CDCP1: variants seen among roughly 807,000 people sequenced by gnomAD.
The protein encoded by CDCP1 is CUB domain-containing protein 1.
A neutral mutation model predicts 60.2 loss-of-function variants in CDCP1; 29 were observed. The ratio of observed to expected loss-of-function variants is 0.48; its 90% CI spans 0.36 to 0.66. The LOEUF is 0.66. Among genes scored for constraint, CDCP1 ranks in the 30% least tolerant of loss-of-function variants. CDCP1 has a pLI of 0.00. For missense variants in CDCP1, 876 were observed against 1,074.3 expected (o/e 0.82, Z 2.58); for synonymous variants, 387 against 431.1 (o/e 0.90, Z 1.27).
intron 1 of CDCP1, among the ~76,000 whole-genome samples, chr3:45,137,857 C>T (rs942458541): frequency 9.9e-5 from 15 of 151,358 alleles, no homozygotes; most frequent in African/African-American, 3.4e-4. Flanking sequence ...TTAGCTCTGA[C>T]AGATGTAGCC....
intron 1 of CDCP1, among the ~76,000 whole-genome samples, chr3:45,123,578 C>T (rs1698922832): frequency 6.6e-6 from 1 of 152,108 alleles, no homozygotes; most frequent in African/African-American, 2.4e-5. Flanking sequence ...AAGGGGTGAA[C>T]AGGAGCAAGA....
rs72581928 is a variant in CDCP1 at position 45,126,108 on chromosome 3, CTCTTTCTTTCTT to C, written c.83-7499_83-7488del. Among the ~76,000 whole-genome samples the C allele has an allele frequency of 4.0e-3, 437 of 110,042 alleles. 2 individuals are homozygous for C. The highest frequency in any genetic ancestry group is 0.014 in the African/African-American group (379 of 26,952). The allele number at this position is 110,042 out of a possible 152,430, so 72.2% of individuals were successfully genotyped here. On this transcript the variant is annotated intron_variant, in intron 1 of 8. Coordinates refer to ENST00000296129, the MANE Select transcript of CDCP1 (RefSeq NM_022842.5). ...AACTGCTGCCATTCTTTGTCTCTCTCTCTTTCTTTCTTTCTTTCTTTCTTTCTTTCTTTCTTT... is the reference window on the plus strand; with the variant it reads ...AACTGCTGCCATTCTTTGTCTCTCTCTCTTTCTTTCTTTCTTTCTTTCTTT...
Position 45,146,216 on chromosome 3 carries a change from C to G in CDCP1, c.72G>C (p.Pro24=). 6.3e-7 allele frequency: 1 copy of G among 1,594,528 alleles called. No homozygotes were observed. The highest frequency in any genetic ancestry group is 8.5e-7 in the Non-Finnish European group (1 of 1,172,830). The change falls in exon 1 of 9, where the codon CCG becomes CCC. Residue 24 remains proline, a synonymous_variant. Transcript: ENST00000296129. ...AAGCCCGGCACTCACCTGCCCCGCG[C>G]GGCAGGCGCGCCGCACCCAGCAGCA... is the stretch of plus-strand genomic sequence containing the variant. ...GVLLLGAARL[P]RGAEAFEIAL... is the part of the protein sequence containing the mutation.
intron 1 of CDCP1, among the ~76,000 whole-genome samples, chr3:45,130,595 C>G (rs1445911927): frequency 6.6e-6 from 1 of 152,234 alleles, no homozygotes; most frequent in Non-Finnish European, 1.5e-5. Context: ...GGTTCAGTCT[C>G]TGCCCTCAAG....
rs142406679 is a variant in CDCP1, at chr3:45,134,420, G to A, written c.82+11786C>T. On this transcript the variant is annotated intron_variant, in intron 1 of 8. Coordinates refer to ENST00000296129, the MANE Select transcript of CDCP1 (RefSeq NM_022842.5). Reference sequence around the variant, plus strand: ...ATTACAGGCGCGGGCCACCGCGCCCGGCCCAGATCTACTTCTTTCTTAACT... The same window carrying A: ...ATTACAGGCGCGGGCCACCGCGCCCAGCCCAGATCTACTTCTTTCTTAACT... Among the ~76,000 whole-genome samples the A allele has an allele frequency of 2.7e-3, 409 of 152,284 alleles. 2 individuals carry two copies. The highest frequency in any genetic ancestry group is 9.3e-3 in the African/African-American group (386 of 41,570).
chr3:45,107,819 G>A (rs1228653208), intron 4 of CDCP1, among the ~76,000 whole-genome samples: 1 of 152,042 alleles, frequency 6.6e-6, no homozygotes, highest in African/African-American at 2.4e-5. Context: ...GCAAATGAGA[G>A]AGAATAAAGA....
chr3:45,141,934 C>T (rs75379963), intron 1 of CDCP1, among the ~76,000 whole-genome samples: 29,550 of 151,958 alleles, frequency 0.19, 3,042 homozygotes, highest in Middle Eastern at 0.28. Context: ...CGGGTTCAAG[C>T]GATTCTCAAG....
At chr3:45,117,597 C>CTTT (rs576166067) in intron 2 of CDCP1, among the ~76,000 whole-genome samples, 2 of 139,938 alleles carry the variant, frequency 1.4e-5, no homozygotes, top group Non-Finnish European at 3.1e-5. Context: ...TCCTCAACTT[C>CTTT]TTTTTTTTTT....
chr3:45,087,004 G>A (rs1299645899), intron 8 of CDCP1, among the ~76,000 whole-genome samples: 1 of 152,196 alleles, frequency 6.6e-6, no homozygotes, highest in African/African-American at 2.4e-5. Context: ...AGCTTGTAAC[G>A]CTGAGCCCCT....
At position 45,108,100 on chromosome 3, in the gene CDCP1, G is replaced by T. The variant is rs1698602106; in HGVS notation, c.1024+2373C>A. 2.6e-5 allele frequency among the ~76,000 whole-genome samples: 4 copies of T among 151,988 alleles called. No individual in the cohort carries two copies. The South Asian group carries it at 8.4e-4, about 32-fold the overall frequency. ...AGATCACGCCACTGCACTCCAGCCT[G>T]GGTGACAGAGCAAGACTCTGCCTAA... is the stretch of plus-strand genomic sequence containing the variant. On this transcript the variant is annotated intron_variant, in intron 4 of 8. Coordinates refer to ENST00000296129, the MANE Select transcript of CDCP1 (RefSeq NM_022842.5).
chr3:45,092,872 G>A (rs755352340), intron 6 of CDCP1, among the ~76,000 whole-genome samples: 3 of 152,072 alleles, frequency 2.0e-5, no homozygotes, highest in South Asian at 2.1e-4. Context: ...CTGTGCTCTC[G>A]GCACTGCATT....
At chr3:45,138,199 C>T (rs73829942) in intron 1 of CDCP1, among the ~76,000 whole-genome samples, 14,767 of 152,248 alleles carry the variant, frequency 0.097, 917 homozygotes, top group East Asian at 0.3. Context: ...GCTCACAGAA[C>T]ATTTTTTAAA....
chr3:45,098,052 C>T (rs1698431199), intron 4 of CDCP1, among the ~76,000 whole-genome samples: 1 of 152,070 alleles, frequency 6.6e-6, no homozygotes, highest in African/African-American at 2.4e-5. Flanking sequence ...TGTTAGAAGC[C>T]CCTCTGCTTC....
At position 45,120,114 on chromosome 3, in the gene CDCP1, T is replaced by C. The variant is rs181082704; in HGVS notation, c.83-1493A>G. Among the ~76,000 whole-genome samples the C allele has an allele frequency of 4.7e-3, 719 of 152,368 alleles. 25 individuals carry two copies. Among genetic ancestry groups the C allele is most frequent in the Admixed American group, 0.035 (540 of 15,296 alleles). On this transcript the variant is annotated intron_variant, in intron 1 of 8. Coordinates refer to ENST00000296129, the MANE Select transcript of CDCP1 (RefSeq NM_022842.5). ...AATGACATCTGAGTCCTCTTCAGTG[T>C]TGGACGAGCCATGTGCTATAATTTT...
chr3:45,114,932 T>C (rs1698759447), intron 2 of CDCP1, among the ~76,000 whole-genome samples: 3 of 148,586 alleles, frequency 2.0e-5, no homozygotes, highest in Admixed American at 6.8e-5. Flanking sequence ...TAGTAAGCCA[T>C]GTGGGCATCC....
chr3:45,102,221 G>A (rs1219538533), intron 4 of CDCP1, among the ~76,000 whole-genome samples: 1 of 151,850 alleles, frequency 6.6e-6, no homozygotes, highest in Non-Finnish European at 1.5e-5. Context: ...ATAGGCACTT[G>A]CCATCATGCC....
intron 4 of CDCP1, among the ~76,000 whole-genome samples, chr3:45,102,676 A>C (rs1194031108): frequency 6.6e-6 from 1 of 150,500 alleles, no homozygotes; most frequent in African/African-American, 2.4e-5. Flanking sequence ...AAAAATTATT[A>C]TTGTTTTGAG....
At chr3:45,143,133 G>T (rs1699322750) in intron 1 of CDCP1, among the ~76,000 whole-genome samples, 1 of 152,234 alleles carries the variant, frequency 6.6e-6, no homozygotes, top group Non-Finnish European at 1.5e-5. Context: ...GAACCTGGGA[G>T]ACGGAGGTTG....
At position 45,091,040 on chromosome 3, in the gene CDCP1, A is replaced by C; in HGVS notation, c.1993+133T>G. The C allele has an allele frequency of 1.0e-6, 1 of 966,788 alleles. No homozygotes were observed. The allele number at this position is 966,788 out of a possible 1,614,324, so 59.9% of individuals were successfully genotyped here. ...GATGGTTTGTTACTCAGCACTATTG[A>C]TGCAATAGCTGACTGATACATGGAC... On this transcript the variant is annotated intron_variant, in intron 7 of 8. Transcript: ENST00000296129. The surrounding 1 kb of genome is among the most constrained non-coding windows in gnomAD (Gnocchi z 4.8).
Sources: gnomAD v4.1 joint callset for allele counts (sites outside exome capture counted in the v4.1 genomes callset) on GRCh38, gnomAD v4.1.1 for gene constraint, Gnocchi (gnomAD v3.1) non-coding constraint, MANE v1.5 for transcripts, NCBI Gene and HGNC (gene_info 2026-07-23, HGNC 2026-07-21) for gene names.